The following RABGAP1L variants were observed in gnomAD, a reference collection of about 807,000 sequenced individuals.
The protein encoded by RABGAP1L is rab GTPase-activating protein 1-like.
Under a neutral mutation model 137.7 loss-of-function variants are expected in RABGAP1L, and 63 were observed. The ratio of observed to expected loss-of-function variants is 0.46; its 90% CI spans 0.37 to 0.56. The LOEUF is 0.56. RABGAP1L is among the 20% of genes least tolerant of loss of function. The probability of loss-of-function intolerance (pLI) is 0.00; values close to 1 mark genes in which losing one functional copy is unlikely to be tolerated. For synonymous variants in RABGAP1L, 431 were observed against 433.7 expected (o/e 0.99, Z 0.08); for missense variants, 1,095 against 1,244.0 (o/e 0.88, Z 1.80).
chr1:174,512,859 A>G (rs1662480638), intron 13 of RABGAP1L, among the ~76,000 whole-genome samples: 1 of 152,214 alleles, frequency 6.6e-6, no homozygotes, highest in Non-Finnish European at 1.5e-5. Context: ...ATAATTATTT[A>G]CACATGTACA....
At chr1:174,449,969 G>A (rs1324174540) in intron 13 of RABGAP1L, among the ~76,000 whole-genome samples, 1 of 151,968 alleles carries the variant, frequency 6.6e-6, no homozygotes, top group Non-Finnish European at 1.5e-5. Flanking sequence ...AGAATCTACT[G>A]TATAGAGCAT....
intron 13 of RABGAP1L, among the ~76,000 whole-genome samples, chr1:174,443,123 G>C (rs1010848520): frequency 2.0e-5 from 3 of 151,856 alleles, no homozygotes; most frequent in Non-Finnish European, 2.9e-5. Flanking sequence ...TTCATGTCTT[G>C]ATGGACACTT....
intron 13 of RABGAP1L, among the ~76,000 whole-genome samples, chr1:174,528,584 GTT>G (rs1398905381): frequency 1.5e-5 from 2 of 133,806 alleles, no homozygotes; most frequent in Non-Finnish European, 1.6e-5. Flanking sequence ...TAGTCTGATG[GTT>G]TTTTTTTTTT....
chr1:174,325,140 C>T (rs781197191), intron 11 of RABGAP1L, among the ~76,000 whole-genome samples: 2 of 152,188 alleles, frequency 1.3e-5, no homozygotes, highest in Admixed American at 6.5e-5. Flanking sequence ...TTCACCCATC[C>T]TGCACTTAAC....
chr1:174,398,091 C>T (rs926679177), intron 13 of RABGAP1L, among the ~76,000 whole-genome samples: 2 of 152,126 alleles, frequency 1.3e-5, no homozygotes, highest in Non-Finnish European at 2.9e-5. Flanking sequence ...GGATATGTTA[C>T]CCTCCTGGTA....
At chr1:174,944,137 G>A (rs1456790400) in intron 19 of RABGAP1L, among the ~76,000 whole-genome samples, 2 of 151,768 alleles carry the variant, frequency 1.3e-5, no homozygotes, top group Middle Eastern at 3.2e-3. Flanking sequence ...GCCAGGTGTG[G>A]TGGTGTGCAC....
chr1:174,718,738 G>A (rs944163585), intron 17 of RABGAP1L, among the ~76,000 whole-genome samples: 6 of 152,054 alleles, frequency 3.9e-5, no homozygotes, highest in Admixed American at 2.6e-4. Context: ...AGAAATTCAG[G>A]ATGAAACTAC....
chr1:174,965,550 A>T (rs1018369392), intron 20 of RABGAP1L, among the ~76,000 whole-genome samples: 1 of 152,210 alleles, frequency 6.6e-6, no homozygotes, highest in Non-Finnish European at 1.5e-5. Context: ...ACTGTAAAAG[A>T]CAGCCACGTT....
chr1:174,487,373 T>C (rs1475252547), intron 13 of RABGAP1L, among the ~76,000 whole-genome samples: 3 of 152,224 alleles, frequency 2.0e-5, no homozygotes, highest in Non-Finnish European at 4.4e-5. Context: ...TTTATCATTA[T>C]ATAGTGACCT....
intron 11 of RABGAP1L, among the ~76,000 whole-genome samples, chr1:174,322,137 G>A (rs958516430): frequency 2.6e-5 from 4 of 151,954 alleles, no homozygotes; most frequent in South Asian, 2.1e-4. Context: ...CTTTTGTGTC[G>A]TAATAAATCC....
chr1:174,299,979 C>A (rs1243936623), intron 10 of RABGAP1L, among the ~76,000 whole-genome samples: 2 of 152,132 alleles, frequency 1.3e-5, no homozygotes, highest in Non-Finnish European at 2.9e-5. Context: ...GTTAGAAACA[C>A]AATTGACAAA....
At chr1:174,615,809 C>G (rs1293771089) in intron 13 of RABGAP1L, among the ~76,000 whole-genome samples, 1 of 152,234 alleles carries the variant, frequency 6.6e-6, no homozygotes, top group Non-Finnish European at 1.5e-5. Context: ...AGCCTCGCTG[C>G]CGCCTTGCAG....
intron 7 of RABGAP1L, among the ~76,000 whole-genome samples, chr1:174,253,453 CTG>C (rs1407273797): frequency 1.3e-5 from 2 of 152,188 alleles, no homozygotes; most frequent in Non-Finnish European, 2.9e-5. Context: ...TCTAGGGAAT[CTG>C]TGCTATTCAA....
At chr1:174,703,565 T>C (rs114685494) in intron 17 of RABGAP1L, among the ~76,000 whole-genome samples, 1,556 of 152,320 alleles carry the variant, frequency 0.01, 30 homozygotes, top group African/African-American at 0.036. Flanking sequence ...GCACGAATCT[T>C]TTTTTATACA....
At chr1:174,985,051 G>A (rs1396762521) in intron 24 of RABGAP1L, among the ~76,000 whole-genome samples, 3 of 152,176 alleles carry the variant, frequency 2.0e-5, no homozygotes, top group Non-Finnish European at 4.4e-5. Flanking sequence ...CTAATGAAAG[G>A]CCATGACATT....
Position 174,776,004 on chromosome 1 carries a change from G to A in RABGAP1L, c.2211+23650G>A, listed in dbSNP as rs562590331. ...GTAGAGGAGATTTCTTGGTTAGCCT[G>A]TGTAGCTGTCCCCTGGTTCTAATTT... is the stretch of plus-strand genomic sequence containing the variant. On this transcript the variant is annotated intron_variant, in intron 18 of 25. Transcript: ENST00000681986. 1.2e-3 allele frequency among the ~76,000 whole-genome samples: 190 copies of A among 152,304 alleles called. 1 individual carries two copies. Among genetic ancestry groups the A allele is most frequent in the African/African-American group, 4.5e-3 (188 of 41,576 alleles).
At chr1:174,560,135 GA>G (rs370736567) in intron 13 of RABGAP1L, among the ~76,000 whole-genome samples, 1,871 of 129,210 alleles carry the variant, frequency 0.014, 34 homozygotes, top group African/African-American at 0.045. Flanking sequence ...CTCTGTCTCA[GA>G]AAAAAAAAAA....
At chr1:174,678,210 G>A (rs772503362) in intron 14 of RABGAP1L, among the ~76,000 whole-genome samples, 28 of 151,932 alleles carry the variant, frequency 1.8e-4, no homozygotes, top group Non-Finnish European at 3.5e-4. Flanking sequence ...ATGAAAATAC[G>A]GATAGCTCTA....
intron 19 of RABGAP1L, among the ~76,000 whole-genome samples, chr1:174,875,331 T>C (rs1229586258): frequency 2.6e-5 from 4 of 152,226 alleles, no homozygotes; most frequent in Non-Finnish European, 5.9e-5. Flanking sequence ...GGTCCTTTTC[T>C]TTTGGGTTAT....
Sources: allele counts gnomAD v4.1 joint callset (sites outside exome capture counted in the v4.1 genomes callset), GRCh38; gene constraint gnomAD v4.1.1; transcripts MANE v1.5; gene names NCBI Gene and HGNC (gene_info 2026-07-23, HGNC 2026-07-21).